CDC42BPA: variants seen among roughly 807,000 people sequenced by gnomAD.
CDC42BPA encodes the protein serine/threonine-protein kinase MRCK alpha.
Under a neutral mutation model 223.5 loss-of-function variants are expected in CDC42BPA, and 80 were observed. The ratio of observed to expected loss-of-function variants is 0.36; its 90% CI spans 0.30 to 0.43. The LOEUF (loss-of-function observed/expected upper bound fraction) is 0.43, where lower values mean the gene tolerates loss of function less well. CDC42BPA is among the 20% of genes least tolerant of loss of function. CDC42BPA has a pLI of 1.00. For missense variants in CDC42BPA, 1,743 were observed against 2,099.9 expected (o/e 0.83, Z 3.32); for synonymous variants, 694 against 718.6 (o/e 0.97, Z 0.55).
intron 2 of CDC42BPA, chr1:227,234,170 C>T (rs1678558723): frequency 6.6e-6 from 1 of 152,048 alleles, no homozygotes; most frequent in Non-Finnish European, 1.5e-5. Context: ...GATCCAGAGC[C>T]CAAAGAGTGG....
At chr1:227,002,401 G>A (rs1663048207) in intron 35 of CDC42BPA, among the ~76,000 whole-genome samples, 1 of 152,236 alleles carries the variant, frequency 6.6e-6, no homozygotes, top group Non-Finnish European at 1.5e-5. Context: ...TACAGATGAT[G>A]TTAGGAGATA....
At chr1:227,111,762 C>T (rs1686966349) in intron 14 of CDC42BPA, among the ~76,000 whole-genome samples, 1 of 152,152 alleles carries the variant, frequency 6.6e-6, no homozygotes, top group Non-Finnish European at 1.5e-5. Context: ...GGATTACAGG[C>T]GTGAGCCACT....
chr1:227,315,110 C>T (rs550801752), intron 1 of CDC42BPA, among the ~76,000 whole-genome samples: 1 of 152,188 alleles, frequency 6.6e-6, no homozygotes, highest in African/African-American at 2.4e-5. Flanking sequence ...AATACCACTA[C>T]TCACTACGCA....
intron 19 of CDC42BPA, among the ~76,000 whole-genome samples, chr1:227,073,605 T>C (rs1678877174): frequency 6.6e-6 from 1 of 152,124 alleles, no homozygotes; most frequent in Non-Finnish European, 1.5e-5. Context: ...CTAAATTTTA[T>C]GAGGAAAATT....
chr1:227,213,612 T>C (rs1674322060), intron 2 of CDC42BPA, among the ~76,000 whole-genome samples: 1 of 152,080 alleles, frequency 6.6e-6, no homozygotes, highest in South Asian at 2.1e-4. Context: ...AAATAATGCA[T>C]GCAAAATTCC....
intron 11 of CDC42BPA, 77 bp from the exon 12 acceptor site, chr1:227,120,014 T>G (rs1688381158): frequency 4.1e-6 from 5 of 1,207,964 alleles, no homozygotes; most frequent in Non-Finnish European, 5.7e-6. Context: ...ACAACTAAAA[T>G]TTTTTTTAAA....
chr1:227,033,245 T>C, intron 27 of CDC42BPA, 89 bp downstream of exon 27: 2 of 763,438 alleles, frequency 2.6e-6, no homozygotes, highest in Non-Finnish European at 4.5e-6. Flanking sequence ...TGGTTTTACT[T>C]ATAGTGAATT....
At chr1:227,281,005 C>T (rs1272392636) in intron 1 of CDC42BPA, among the ~76,000 whole-genome samples, 4 of 152,170 alleles carry the variant, frequency 2.6e-5, no homozygotes, top group African/African-American at 9.6e-5. Flanking sequence ...TTATGCAGTG[C>T]CTGTTCCATA....
intron 1 of CDC42BPA, among the ~76,000 whole-genome samples, chr1:227,269,540 C>A (rs1031316394): frequency 6.6e-6 from 1 of 152,082 alleles, no homozygotes; most frequent in Non-Finnish European, 1.5e-5. Flanking sequence ...AAACTTAAGT[C>A]TCCTGTAAGG....
intron 24 of CDC42BPA, 60 bp downstream of exon 24, chr1:227,040,062 AAAGAGAATC>A (rs1264239607): frequency 3.1e-6 from 3 of 970,296 alleles, no homozygotes; most frequent in Non-Finnish European, 5.0e-6. Flanking sequence ...TACACCTTTG[AAAGAGAATC>A]AACTTATTTG....
chr1:227,144,031 T>C (rs903221206), intron 8 of CDC42BPA, among the ~76,000 whole-genome samples: 1 of 152,340 alleles, frequency 6.6e-6, no homozygotes, highest in Non-Finnish European at 1.5e-5. Context: ...TGAGAAATTT[T>C]TATCTGCCTT....
intron 5 of CDC42BPA, 74 bp from the exon 6 acceptor site, chr1:227,160,710 C>T: frequency 1.2e-6 from 1 of 832,174 alleles, no homozygotes; most frequent in Non-Finnish European, 1.9e-6. Flanking sequence ...TTCTTTTTGT[C>T]AGAAAAAAAT....
At chr1:227,310,365 T>G (rs76149364) in intron 1 of CDC42BPA, among the ~76,000 whole-genome samples, 14,134 of 152,044 alleles carry the variant, frequency 0.093, 841 homozygotes, top group Middle Eastern at 0.17. Flanking sequence ...GAGGTTAGAG[T>G]GAAGAGGCCC....
chr1:227,242,138 T>C (rs1280656951), intron 2 of CDC42BPA, among the ~76,000 whole-genome samples: 1 of 152,006 alleles, frequency 6.6e-6, no homozygotes, highest in East Asian at 1.9e-4. Flanking sequence ...ATTTGAAAAT[T>C]ATAATATCAA....
At chr1:227,000,848 T>A (rs150210262) in intron 35 of CDC42BPA, among the ~76,000 whole-genome samples, 87 of 152,080 alleles carry the variant, frequency 5.7e-4, no homozygotes, top group African/African-American at 2.0e-3. Flanking sequence ...AGGGCTGTTT[T>A]GATTGAACAG....
chr1:227,217,849 A>G (rs1558790511), intron 2 of CDC42BPA, among the ~76,000 whole-genome samples: 1 of 152,282 alleles, frequency 6.6e-6, no homozygotes, highest in East Asian at 1.9e-4. Context: ...CACTCCTTCA[A>G]TGAAATGTCA....
chr1:227,087,790 G>A (rs1247112069), intron 16 of CDC42BPA, among the ~76,000 whole-genome samples: 1 of 152,144 alleles, frequency 6.6e-6, no homozygotes, highest in East Asian at 1.9e-4. Context: ...TTGCTTTTTA[G>A]TATTTTTTTA....
chr1:227,115,870 A>AG (rs1219546580), intron 12 of CDC42BPA, among the ~76,000 whole-genome samples: 2 of 138,258 alleles, frequency 1.4e-5, no homozygotes, highest in African/African-American at 5.5e-5. Flanking sequence ...AAAAGAAAAG[A>AG]GGAAAAAAAA....
chr1:227,068,629 A>T (rs749681170), intron 21 of CDC42BPA: 72 of 1,099,642 alleles, frequency 6.5e-5, no homozygotes, highest in Non-Finnish European at 8.1e-5. Flanking sequence ...TGAAGGATGC[A>T]TTGGTTTGAA....
Sources: gnomAD v4.1 joint callset for allele counts (sites outside exome capture counted in the v4.1 genomes callset) on GRCh38, gnomAD v4.1.1 for gene constraint, MANE v1.5 for transcripts, NCBI Gene and HGNC (gene_info 2026-07-23, HGNC 2026-07-21) for gene names.